Variants in GRIP1 observed in about 807,000 individuals in gnomAD.
The protein encoded by GRIP1 is glutamate receptor interacting protein 1, also known as glutamate receptor-interacting protein 1.
Under a neutral mutation model 129.9 loss-of-function variants are expected in GRIP1, and 45 were observed. That is an observed-to-expected ratio of 0.35 (90% CI 0.27 to 0.44). The LOEUF (loss-of-function observed/expected upper bound fraction) is 0.44. GRIP1 is among the 20% of genes least tolerant of loss of function. The pLI is 1.00. For synonymous variants in GRIP1, 530 were observed against 520.8 expected (o/e 1.02, Z -0.24); for missense variants, 1,196 against 1,396.8 (o/e 0.86, Z 2.29).
intron 1 of GRIP1, among the ~76,000 whole-genome samples, chr12:66,911,474 T>C (rs1250074108): frequency 6.6e-6 from 1 of 152,130 alleles, no homozygotes; most frequent in East Asian, 1.9e-4. Context: ...TCTCTAGGCA[T>C]ACCCTTTGTT....
chr12:66,567,487 A>G (rs1592565858), intron 2 of GRIP1: 2 of 152,344 alleles, frequency 1.3e-5, no homozygotes, highest in South Asian at 2.1e-4. Context: ...CCACAGTGCA[A>G]TCAAATTAGA....
intron 7 of GRIP1, among the ~76,000 whole-genome samples, chr12:66,474,804 G>T (rs2059553199): frequency 6.6e-6 from 1 of 152,176 alleles, no homozygotes; most frequent in Non-Finnish European, 1.5e-5. Flanking sequence ...CACCAGGCCT[G>T]CCCTACAAGA....
At chr12:66,854,712 T>TATA (rs2039973172) in intron 1 of GRIP1, among the ~76,000 whole-genome samples, 1 of 152,066 alleles carries the variant, frequency 6.6e-6, no homozygotes, top group Non-Finnish European at 1.5e-5. Flanking sequence ...TTTTTCCAAC[T>TATA]ATATCACCAT....
At chr12:66,808,299 G>GT (rs533493917), upstream of GRIP1, among the ~76,000 whole-genome samples, 5 of 151,944 alleles carry the variant, frequency 3.3e-5, no homozygotes, top group East Asian at 3.9e-4. Flanking sequence ...TTGGTTTTTT[G>GT]TTTTTTTGTT....
At chr12:66,904,068 C>T (rs1159756233) in intron 1 of GRIP1, among the ~76,000 whole-genome samples, 4 of 152,222 alleles carry the variant, frequency 2.6e-5, no homozygotes, top group Non-Finnish European at 5.9e-5. Flanking sequence ...TATAAGAAAG[C>T]AACTTTATGT....
intron 9 of GRIP1, among the ~76,000 whole-genome samples, chr12:66,457,504 T>C (rs901356657): frequency 5.9e-5 from 9 of 152,218 alleles, no homozygotes; most frequent in Non-Finnish European, 1.0e-4. Context: ...CAAGTGATCC[T>C]TCTACCTCAG....
chr12:66,491,154 A>T (rs138928926), intron 7 of GRIP1, among the ~76,000 whole-genome samples: 484 of 152,326 alleles, frequency 3.2e-3, no homozygotes, highest in African/African-American at 0.011. Flanking sequence ...ATTTTAAAAT[A>T]CATGTATGTG....
At chr12:66,497,771 G>A (rs1049477651) in intron 7 of GRIP1, among the ~76,000 whole-genome samples, 2 of 152,172 alleles carry the variant, frequency 1.3e-5, no homozygotes, top group South Asian at 2.1e-4. Flanking sequence ...TCAGGGAACT[G>A]TGTACGTCAG....
chr12:66,379,762 T>C (rs995433155), intron 19 of GRIP1, among the ~76,000 whole-genome samples: 1 of 152,186 alleles, frequency 6.6e-6, no homozygotes. Flanking sequence ...TTTTGGAGAA[T>C]CGGTTTTCAG....
chr12:66,712,618 T>A (rs1705452934), intron 1 of GRIP1, among the ~76,000 whole-genome samples: 1 of 151,956 alleles, frequency 6.6e-6, no homozygotes, highest in Non-Finnish European at 1.5e-5. Context: ...TGAAATGCAG[T>A]GAGCAATAAT....
chr12:66,552,894 G>A (rs1250489999), intron 2 of GRIP1, among the ~76,000 whole-genome samples: 2 of 152,174 alleles, frequency 1.3e-5, no homozygotes, highest in East Asian at 3.9e-4. Flanking sequence ...GGAGCCCTAT[G>A]GACTTTCCAT....
intron 1 of GRIP1, among the ~76,000 whole-genome samples, chr12:66,857,953 G>A (rs1810508231): frequency 6.6e-6 from 1 of 152,000 alleles, no homozygotes; most frequent in Non-Finnish European, 1.5e-5. Flanking sequence ...GTGTGAACTG[G>A]TGCAGCACCT....
chr12:66,917,947 AACACACAC>A (rs58387290), intron 1 of GRIP1, among the ~76,000 whole-genome samples: 2 of 147,532 alleles, frequency 1.4e-5, no homozygotes, highest in African/African-American at 5.0e-5. Flanking sequence ...GAGATGTATA[AACACACAC>A]ACACACACAC....
At chr12:66,443,242 C>A (rs1450305042) in intron 13 of GRIP1, among the ~76,000 whole-genome samples, 7 of 152,210 alleles carry the variant, frequency 4.6e-5, no homozygotes, top group Non-Finnish European at 8.8e-5. Context: ...CCAATTTTAG[C>A]AAGAATCCTG....
At chr12:66,640,159 C>G (rs543276097) in intron 1 of GRIP1, among the ~76,000 whole-genome samples, 3 of 152,298 alleles carry the variant, frequency 2.0e-5, no homozygotes, top group East Asian at 3.9e-4. Flanking sequence ...ATACTTCCAT[C>G]TCAGCTCTTT....
chr12:66,374,186 GTTT>G (rs1378562432), intron 22 of GRIP1, among the ~76,000 whole-genome samples: 1 of 151,818 alleles, frequency 6.6e-6, no homozygotes, highest in African/African-American at 2.4e-5. Context: ...TAATTTCTAT[GTTT>G]TTTATTTTAT....
At chr12:66,809,660 G>GTT (rs2039065619) in intron 1 of GRIP1, among the ~76,000 whole-genome samples, 1 of 149,018 alleles carries the variant, frequency 6.7e-6, no homozygotes. Context: ...AACACAAAAT[G>GTT]TCTTTTTTTT....
chr12:66,395,212 A>T (rs916822552), intron 16 of GRIP1, among the ~76,000 whole-genome samples: 1 of 152,238 alleles, frequency 6.6e-6, no homozygotes, highest in Non-Finnish European at 1.5e-5. Flanking sequence ...TGCAAATAAG[A>T]AGTCTCAGAA....
intron 4 of GRIP1, among the ~76,000 whole-genome samples, chr12:66,530,226 G>A (rs1423821829): frequency 6.6e-6 from 1 of 152,170 alleles, no homozygotes; most frequent in Non-Finnish European, 1.5e-5. Context: ...TAACAAGAGA[G>A]ACAATATTTA....
Sources: gnomAD v4.1 joint callset for allele counts (sites outside exome capture counted in the v4.1 genomes callset) on GRCh38, gnomAD v4.1.1 for gene constraint, MANE v1.5 for transcripts, NCBI Gene and HGNC (gene_info 2026-07-23, HGNC 2026-07-21) for gene names.